Variants in SH3PXD2A observed in about 807,000 individuals in gnomAD.
SH3PXD2A encodes SH3 and PX domain-containing protein 2A.
In SH3PXD2A, 32 loss-of-function variants were observed where a neutral mutation model predicts 115.2. The observed-to-expected ratio is 0.28, with a 90% CI of 0.21 to 0.37. The LOEUF is 0.37. Among genes scored for constraint, SH3PXD2A ranks in the 10% least tolerant of loss-of-function variants. The pLI is 1.00. For missense variants in SH3PXD2A, 1,328 were observed against 1,498.7 expected, an observed-to-expected ratio of 0.89 and a Z score of 1.88; for synonymous variants, 610 against 629.1, an observed-to-expected ratio of 0.97 and a Z score of 0.45.
chr10:103,637,062 C>T (rs1418162146), intron 8 of SH3PXD2A, among the ~76,000 whole-genome samples: 1 of 152,224 alleles, frequency 6.6e-6, no homozygotes, highest in Non-Finnish European at 1.5e-5. Flanking sequence ...GCAAGTATTT[C>T]CCGAGCACCT....
intron 4 of SH3PXD2A, among the ~76,000 whole-genome samples, chr10:103,727,921 T>C (rs2038262172): frequency 6.6e-6 from 1 of 152,208 alleles, no homozygotes; most frequent in Non-Finnish European, 1.5e-5. Context: ...AGAGTGATGC[T>C]GAGCAGTGAG....
chr10:103,742,927 G>A (rs2038459544), intron 3 of SH3PXD2A, among the ~76,000 whole-genome samples: 1 of 144,368 alleles, frequency 6.9e-6, no homozygotes, highest in Non-Finnish European at 1.5e-5. Context: ...AAGATGTGAG[G>A]ATTCCTAGAG....
chr10:103,643,230 G>T (rs1354086780), intron 8 of SH3PXD2A, among the ~76,000 whole-genome samples: 1 of 152,108 alleles, frequency 6.6e-6, no homozygotes. Context: ...GGAGCCACTG[G>T]TGTCACCCTA....
At position 103,836,710 on chromosome 10, in the gene SH3PXD2A, T is replaced by G. The variant is rs201358546; in HGVS notation, c.72+18485A>C. On this transcript the variant is annotated intron_variant, in intron 1 of 14. Coordinates refer to ENST00000369774, the MANE Select transcript of SH3PXD2A (RefSeq NM_001394015.1). ...ACACACACACACACACACACACCCCTTCTTTTCTCCCTTTGTTTTCTTAAA... is the reference window on the plus strand; with the variant it reads ...ACACACACACACACACACACACCCCGTCTTTTCTCCCTTTGTTTTCTTAAA... Among the ~76,000 whole-genome samples, 93 of 74,490 alleles carry G rather than the reference T, an allele frequency of 1.2e-3. 1 individual carries two copies. In the East Asian group the frequency reaches 0.051, roughly 41 times the overall value. 48.9% of individuals were successfully genotyped at this position (74,490 alleles called of 152,430 possible).
At chr10:103,738,897 C>T (rs191616455) in intron 3 of SH3PXD2A, among the ~76,000 whole-genome samples, 1 of 152,052 alleles carries the variant, frequency 6.6e-6, no homozygotes, top group East Asian at 1.9e-4. Flanking sequence ...CGGGTTCAAG[C>T]AATTCTCCTA....
intron 5 of SH3PXD2A, among the ~76,000 whole-genome samples, chr10:103,716,970 C>T (rs1002683974): frequency 6.6e-6 from 1 of 152,220 alleles, no homozygotes; most frequent in Non-Finnish European, 1.5e-5. Context: ...ATGATGGGGA[C>T]AGCAAACACT....
intron 5 of SH3PXD2A, among the ~76,000 whole-genome samples, chr10:103,695,955 C>T (rs757946238): frequency 2.0e-5 from 3 of 152,224 alleles, no homozygotes; most frequent in Non-Finnish European, 2.9e-5. Flanking sequence ...CGGACAACTT[C>T]CTCAAGGCCA....
At chr10:103,636,345 C>CA (rs1318863446) in intron 8 of SH3PXD2A, among the ~76,000 whole-genome samples, 2 of 150,032 alleles carry the variant, frequency 1.3e-5, no homozygotes, top group Admixed American at 1.3e-4. Context: ...AGAGGCGGAG[C>CA]TTGCAGTGAG....
At chr10:103,792,644 T>A (rs756928017) in intron 2 of SH3PXD2A, among the ~76,000 whole-genome samples, 2 of 152,206 alleles carry the variant, frequency 1.3e-5, no homozygotes, top group East Asian at 3.8e-4. Flanking sequence ...GCTTAGACAG[T>A]AAGCGCTGGG....
intron 8 of SH3PXD2A, among the ~76,000 whole-genome samples, chr10:103,633,785 G>T (rs374692012): frequency 3.3e-5 from 5 of 149,746 alleles, no homozygotes; most frequent in Non-Finnish European, 7.4e-5. Context: ...ACGGCACAGC[G>T]GGAGAATAGG....
intron 6 of SH3PXD2A, among the ~76,000 whole-genome samples, chr10:103,672,991 A>T (rs1408314888): frequency 1.3e-5 from 2 of 152,210 alleles, no homozygotes; most frequent in Admixed American, 6.5e-5. Flanking sequence ...ACCCAAAGGT[A>T]CTTAGATGCT....
intron 13 of SH3PXD2A, among the ~76,000 whole-genome samples, chr10:103,610,708 A>G (rs1409190483): frequency 2.6e-5 from 4 of 152,188 alleles, no homozygotes; most frequent in Non-Finnish European, 5.9e-5. Flanking sequence ...AAGAGCTGAC[A>G]TAGGAAATGG....
chr10:103,803,553 A>G (rs923440835), intron 1 of SH3PXD2A, among the ~76,000 whole-genome samples: 1 of 152,198 alleles, frequency 6.6e-6, no homozygotes, highest in Non-Finnish European at 1.5e-5. Flanking sequence ...AGGCTCAGAG[A>G]AGCTAAGTAA....
In SH3PXD2A at chr10:103,622,785, G is replaced by A. The variant is rs1301648319; in HGVS notation, c.719-232C>T. 3.9e-5 allele frequency among the ~76,000 whole-genome samples: 6 copies of A among 152,300 alleles called. 1 individual carries two copies. In the East Asian group the frequency reaches 1.2e-3, roughly 29 times the overall value. ...AATTCAACCAAACTCCACAGCGTGT[G>A]CCCCTGAGCCTAGGAGTGGGCTAAA... On this transcript the variant is annotated intron_variant, in intron 9 of 14. Transcript: ENST00000369774.
Position 103,595,523 on chromosome 10 carries a change from C to T in SH3PXD2A, c.*6293G>A, listed in dbSNP as rs1253693815. On this transcript the variant is annotated 3_prime_UTR_variant, in exon 15 of 15. Transcript: ENST00000369774. ...CAACGTGCCTCTCACTTGCCTCTAA[C>T]GTGCTCGAGCCATCCTTTTGTTCTA... is the stretch of plus-strand genomic sequence containing the variant. 4 of 152,268 alleles carry T rather than the reference C, an allele frequency of 2.6e-5. No individual in the cohort carries two copies. The highest frequency in any genetic ancestry group is 3.9e-4 in the East Asian group (2 of 5,194). The allele number at this position is 152,268 out of a possible 1,614,324, so 9.4% of individuals were successfully genotyped here.
rs143304713 is a variant in SH3PXD2A, at chr10:103,777,299, T to G, written c.154-10130A>C. Among the ~76,000 whole-genome samples, 807 of 152,370 alleles carry G rather than the reference T, an allele frequency of 5.3e-3. 5 individuals carry two copies. The highest frequency in any genetic ancestry group is 0.024 in the Middle Eastern group (7 of 294). Reference sequence around the variant, plus strand: ...GCGTCCCTCATGCCAGGGAAAGTGCTTAGGAAACTACAACCCTGAGGTCAG... The same window carrying G: ...GCGTCCCTCATGCCAGGGAAAGTGCGTAGGAAACTACAACCCTGAGGTCAG... On this transcript the variant is annotated intron_variant, in intron 2 of 14. Coordinates refer to ENST00000369774, the MANE Select transcript of SH3PXD2A (RefSeq NM_001394015.1).
chr10:103,594,118 A>G lies in SH3PXD2A; in HGVS notation c.*7698T>C, dbSNP rs192118164. 2 of 152,784 alleles carry G rather than the reference A, an allele frequency of 1.3e-5. No individual in the cohort carries two copies. Among genetic ancestry groups the G allele is most frequent in the Non-Finnish European group, 2.9e-5 (2 of 68,052 alleles). 9.5% of individuals were successfully genotyped at this position (152,784 alleles called of 1,614,324 possible). A position where few individuals can be genotyped will look rare whatever the true frequency, so the allele number is the denominator to read the frequency against. ...ATACAAAACAAAACCCAAATCTTAC[A>G]GTCTAGAAGCATGCCAAGACAGAGC... On this transcript the variant is annotated 3_prime_UTR_variant, in exon 15 of 15. Transcript: ENST00000369774.
intron 1 of SH3PXD2A, among the ~76,000 whole-genome samples, chr10:103,804,350 CTG>C (rs2039177576): frequency 1.8e-5 from 2 of 109,908 alleles, no homozygotes; most frequent in African/African-American, 3.6e-5. Context: ...GAGACGGAGT[CTG>C]TCTCTGTCGA....
intron 3 of SH3PXD2A, among the ~76,000 whole-genome samples, chr10:103,750,518 C>A (rs1395407389): frequency 1.3e-5 from 2 of 152,158 alleles, no homozygotes; most frequent in Admixed American, 6.5e-5. Context: ...GCCCAGACAC[C>A]CTGAATTGAA....
Sources: gnomAD v4.1 joint callset for allele counts (sites outside exome capture counted in the v4.1 genomes callset) on GRCh38, gnomAD v4.1.1 for gene constraint, MANE v1.5 for transcripts, NCBI Gene and HGNC (gene_info 2026-07-23, HGNC 2026-07-21) for gene names.